The following PGCKA1 variants were observed in gnomAD, a reference collection of about 807,000 sequenced individuals.
The protein encoded by PGCKA1 is PDCD10 and GCKIII kinases associated 1.
chr4:37,458,291 T>C, the PGCKA1 span, among the ~76,000 whole-genome samples: 1 of 152,232 alleles, frequency 6.6e-6, no homozygotes, highest in Admixed American at 6.5e-5. Context: ...GAAAAACTCA[T>C]TCTATATTAA....
the PGCKA1 span, among the ~76,000 whole-genome samples, chr4:37,465,123 G>A: frequency 6.6e-6 from 1 of 152,030 alleles, no homozygotes; most frequent in African/African-American, 2.4e-5. Context: ...TTCATATTTA[G>A]TATATTCTCC....
the PGCKA1 span, among the ~76,000 whole-genome samples, chr4:37,580,763 C>T: frequency 0.018 from 2,675 of 152,284 alleles, 30 homozygotes; most frequent in Non-Finnish European, 0.023. Flanking sequence ...AGCTAGCTAG[C>T]TCCAATGTTT....
At chr4:37,555,095 C>T in the PGCKA1 span, among the ~76,000 whole-genome samples, 1 of 152,212 alleles carries the variant, frequency 6.6e-6, no homozygotes, top group Non-Finnish European at 1.5e-5. Flanking sequence ...AACCCTCACT[C>T]TAAGTGAATT....
At chr4:37,577,140 A>C in the PGCKA1 span, among the ~76,000 whole-genome samples, 3 of 152,088 alleles carry the variant, frequency 2.0e-5, no homozygotes, top group Non-Finnish European at 4.4e-5. Flanking sequence ...ATTTTTGAGA[A>C]GAGTTTGAGT....
At chr4:37,491,319 T>C in the PGCKA1 span, among the ~76,000 whole-genome samples, 1 of 152,224 alleles carries the variant, frequency 6.6e-6, no homozygotes, top group African/African-American at 2.4e-5. Context: ...ATCCTCATGA[T>C]ATAATTATAT....
At chr4:37,504,471 A>G in the PGCKA1 span, among the ~76,000 whole-genome samples, 2 of 152,036 alleles carry the variant, frequency 1.3e-5, no homozygotes, top group African/African-American at 2.4e-5. Flanking sequence ...GAAGAATATC[A>G]TAGGTATTTT....
chr4:37,461,175 A>G, the PGCKA1 span: 8 of 168,238 alleles, frequency 4.8e-5, no homozygotes, highest in East Asian at 1.1e-3. Context: ...TGAGGTCTCT[A>G]TATCTGTGTT....
chr4:37,557,343 C>T, the PGCKA1 span, among the ~76,000 whole-genome samples: 2 of 152,048 alleles, frequency 1.3e-5, no homozygotes, highest in African/African-American at 2.4e-5. Context: ...TAATGTTTAT[C>T]AATAGTAATA....
At chr4:37,463,373 CCGT>C in the PGCKA1 span, among the ~76,000 whole-genome samples, 5 of 152,162 alleles carry the variant, frequency 3.3e-5, no homozygotes, top group African/African-American at 1.2e-4. Context: ...ATTGGCTAGA[CCGT>C]CAAGATTGCA....
the PGCKA1 span, among the ~76,000 whole-genome samples, chr4:37,541,643 C>T: frequency 6.6e-6 from 1 of 152,198 alleles, no homozygotes; most frequent in Admixed American, 6.5e-5. Context: ...ATTATGTGTA[C>T]ACCTCATGTG....
the PGCKA1 span, among the ~76,000 whole-genome samples, chr4:37,563,682 C>A: frequency 6.6e-6 from 1 of 152,158 alleles, no homozygotes; most frequent in Non-Finnish European, 1.5e-5. Context: ...AAGCAGGTGG[C>A]CCTGAGCTGT....
chr4:37,485,985 G>T, the PGCKA1 span, among the ~76,000 whole-genome samples: 163 of 152,204 alleles, frequency 1.1e-3, no homozygotes, highest in African/African-American at 3.7e-3. Flanking sequence ...TCATGAATCA[G>T]GTTTGAATTA....
chr4:37,570,217 C>G, the PGCKA1 span, among the ~76,000 whole-genome samples: 2 of 130,096 alleles, frequency 1.5e-5, no homozygotes, highest in Non-Finnish European at 3.1e-5. Flanking sequence ...CCAGGATGGT[C>G]TCGATCTCCT....
At chr4:37,499,918 CTT>C in the PGCKA1 span, among the ~76,000 whole-genome samples, 252 of 79,220 alleles carry the variant, frequency 3.2e-3, 2 homozygotes, top group African/African-American at 0.011. Context: ...GTCTTCCTAA[CTT>C]TTTTTTTTTT....
the PGCKA1 span, among the ~76,000 whole-genome samples, chr4:37,509,265 C>CT: frequency 4.6e-5 from 6 of 129,888 alleles, no homozygotes; most frequent in South Asian, 2.6e-4. Flanking sequence ...CAGGCAGAGG[C>CT]GCCCCCCACC....
At chr4:37,471,393 A>G in the PGCKA1 span, among the ~76,000 whole-genome samples, 1 of 152,218 alleles carries the variant, frequency 6.6e-6, no homozygotes, top group Non-Finnish European at 1.5e-5. Flanking sequence ...TTATACAGGA[A>G]TTCAAAGCAC....
At chr4:37,589,978 AAGT>A in the PGCKA1 span, 1 of 837,824 alleles carries the variant, frequency 1.2e-6, no homozygotes, top group Non-Finnish European at 1.9e-6. Context: ...CTAGGTTGAA[AAGT>A]AATCACAGAA....
chr4:37,532,733 T>C, the PGCKA1 span, among the ~76,000 whole-genome samples: 2 of 152,320 alleles, frequency 1.3e-5, no homozygotes, highest in African/African-American at 4.8e-5. Context: ...AACATAGCTT[T>C]TAATCCTGTT....
At chr4:37,516,289 C>G in the PGCKA1 span, among the ~76,000 whole-genome samples, 1 of 152,202 alleles carries the variant, frequency 6.6e-6, no homozygotes, top group African/African-American at 2.4e-5. Flanking sequence ...TCAGAATCTG[C>G]ATTTTAACAA....
Sources: allele counts gnomAD v4.1 joint callset (sites outside exome capture counted in the v4.1 genomes callset), GRCh38; gene constraint gnomAD v4.1.1; transcripts MANE v1.5; gene names NCBI Gene and HGNC (gene_info 2026-07-23, HGNC 2026-07-21).